The following EYS variants were observed in gnomAD, a reference collection of about 807,000 sequenced individuals.
EYS encodes protein eyes shut homolog.
EYS carries 250 observed loss-of-function variants against 282.1 expected under a neutral mutation model. The observed-to-expected ratio is 0.89, with a 90% CI of 0.80 to 0.98. EYS has a LOEUF of 0.98. Ranked by LOEUF, EYS falls within the 50% of genes least tolerant of loss-of-function variation. The probability of loss-of-function intolerance (pLI) is 0.00; values close to 1 mark genes in which losing one functional copy is unlikely to be tolerated. For missense variants in EYS, 4,016 were observed against 3,709.0 expected (o/e 1.08, Z -2.15); for synonymous variants, 1,355 against 1,282.9 (o/e 1.06, Z -1.20).
intron 31 of EYS, among the ~76,000 whole-genome samples, chr6:64,168,437 T>C (rs1235473740): frequency 6.6e-6 from 1 of 152,172 alleles, no homozygotes; most frequent in East Asian, 1.9e-4. Flanking sequence ...CCAGAGCTTC[T>C]ACTCCTAGGT....
At chr6:64,780,166 T>C (rs574581392) in intron 22 of EYS, among the ~76,000 whole-genome samples, 2 of 152,130 alleles carry the variant, frequency 1.3e-5, no homozygotes, top group Non-Finnish European at 1.5e-5. Context: ...AAATGACATA[T>C]GTAAATGAAG....
At chr6:64,125,041 C>A (rs910974748) in intron 31 of EYS, among the ~76,000 whole-genome samples, 1 of 151,890 alleles carries the variant, frequency 6.6e-6, no homozygotes, top group Non-Finnish European at 1.5e-5. Context: ...AAGTTCTGAT[C>A]AAAATTTAAA....
chr6:64,023,970 C>T lies in EYS; in HGVS notation c.6726-24787G>A, dbSNP rs563984908. 5.3e-5 allele frequency among the ~76,000 whole-genome samples: 8 copies of T among 152,350 alleles called. No individual in the cohort carries two copies. In the South Asian group the frequency reaches 1.4e-3, roughly 28 times the overall value. On this transcript the variant is annotated intron_variant, in intron 33 of 42. Transcript: ENST00000503581. ...TCTCACCGGGCCTTGGCTGCCTTCC[C>T]GCGGGGCAGGGCTCAGGACATGCAG...
At chr6:64,317,351 C>T (rs1770014941) in intron 29 of EYS, among the ~76,000 whole-genome samples, 1 of 146,896 alleles carries the variant, frequency 6.8e-6, no homozygotes, top group Admixed American at 6.7e-5. Flanking sequence ...AAAAAAAAAA[C>T]ATCAAAAAGT....
chr6:64,657,067 G>C (rs889153488), intron 22 of EYS, among the ~76,000 whole-genome samples: 2 of 152,200 alleles, frequency 1.3e-5, no homozygotes, highest in Non-Finnish European at 2.9e-5. Flanking sequence ...ATTTAGGATA[G>C]TTAGCTCTTC....
chr6:64,326,775 AC>A (rs1258690366), intron 29 of EYS, among the ~76,000 whole-genome samples: 3 of 151,474 alleles, frequency 2.0e-5, no homozygotes, highest in Non-Finnish European at 4.4e-5. Flanking sequence ...CCTTCCCCCA[AC>A]AGCACAAATG....
At chr6:64,154,786 C>T (rs774790435) in intron 31 of EYS, among the ~76,000 whole-genome samples, 5 of 152,042 alleles carry the variant, frequency 3.3e-5, no homozygotes, top group Non-Finnish European at 7.4e-5. Context: ...ATACCATATA[C>T]ACAATTGTGT....
intron 2 of EYS, among the ~76,000 whole-genome samples, chr6:65,634,647 C>T (rs1041620405): frequency 3.9e-5 from 6 of 152,196 alleles, no homozygotes; most frequent in African/African-American, 1.4e-4. Flanking sequence ...AAGATTTCCC[C>T]ATTCCAGTTA....
intron 2 of EYS, among the ~76,000 whole-genome samples, chr6:65,612,545 C>A (rs927335325): frequency 6.6e-6 from 1 of 151,508 alleles, no homozygotes; most frequent in Non-Finnish European, 1.5e-5. Flanking sequence ...AATTCCTAAC[C>A]CTCTGGAAAA....
At chr6:64,989,755 AT>A in intron 14 of EYS, among the ~76,000 whole-genome samples, 1 of 144,800 alleles carries the variant, frequency 6.9e-6, no homozygotes, top group African/African-American at 2.5e-5. Context: ...TACATTATAT[AT>A]TTCTTATAAA....
At chr6:65,091,488 T>A (rs114157683) in intron 12 of EYS, among the ~76,000 whole-genome samples, 3,642 of 151,556 alleles carry the variant, frequency 0.024, 110 homozygotes, top group African/African-American at 0.071. Flanking sequence ...AATAAATAAC[T>A]GCTTAATAAT....
intron 29 of EYS, among the ~76,000 whole-genome samples, chr6:64,378,458 T>C (rs2150418295): frequency 6.6e-6 from 1 of 152,306 alleles, no homozygotes; most frequent in Non-Finnish European, 1.5e-5. Context: ...ACAGTCAATT[T>C]CTAAACTTTC....
chr6:63,950,520 A>T (rs2149764964), intron 35 of EYS, among the ~76,000 whole-genome samples: 1 of 152,068 alleles, frequency 6.6e-6, no homozygotes, highest in Admixed American at 6.5e-5. Flanking sequence ...GCCCACCTGC[A>T]CCCAGGTGAT....
intron 1 of EYS, among the ~76,000 whole-genome samples, chr6:65,658,784 TCCAACACTAAC>T (rs1392387860): frequency 6.6e-6 from 1 of 151,718 alleles, no homozygotes; most frequent in Admixed American, 6.6e-5. Context: ...ACTTGCCAAT[TCCAACACTAAC>T]CCAACTCTAA....
chr6:65,320,113 C>G (rs1478851412), intron 11 of EYS, among the ~76,000 whole-genome samples: 1 of 151,326 alleles, frequency 6.6e-6, no homozygotes, highest in Non-Finnish European at 1.5e-5. Context: ...AATTAACTAG[C>G]GAGTTTAAGT....
At chr6:65,386,256 A>G (rs1765799439) in intron 7 of EYS, among the ~76,000 whole-genome samples, 1 of 151,806 alleles carries the variant, frequency 6.6e-6, no homozygotes, top group African/African-American at 2.4e-5. Context: ...TACTATCTGC[A>G]ATGTGTGGCT....
intron 8 of EYS, among the ~76,000 whole-genome samples, chr6:65,357,129 A>G (rs1036521397): frequency 4.6e-5 from 7 of 151,898 alleles, no homozygotes; most frequent in African/African-American, 9.7e-5. Context: ...CACTTTCATC[A>G]TGTTGTTGAG....
chr6:65,227,661 T>G (rs610478), intron 12 of EYS, among the ~76,000 whole-genome samples: 57,136 of 151,858 alleles, frequency 0.38, 11,704 homozygotes, highest in African/African-American at 0.54. Context: ...GACAAAAGCT[T>G]AAATATCTGA....
chr6:65,441,261 AATTTTTAT>A (rs1297207524), intron 5 of EYS, among the ~76,000 whole-genome samples: 2 of 151,644 alleles, frequency 1.3e-5, no homozygotes, highest in Non-Finnish European at 2.9e-5. Context: ...TCAGGATTTA[AATTTTTAT>A]ATTTTGTATC....
Sources: allele counts gnomAD v4.1 joint callset (sites outside exome capture counted in the v4.1 genomes callset), GRCh38; gene constraint gnomAD v4.1.1; transcripts MANE v1.5; gene names NCBI Gene and HGNC (gene_info 2026-07-23, HGNC 2026-07-21).